Variants in CDC42BPA observed in about 807,000 individuals in gnomAD.
CDC42BPA encodes the protein serine/threonine-protein kinase MRCK alpha.
A neutral mutation model predicts 223.5 loss-of-function variants in CDC42BPA; 80 were observed. That is an observed-to-expected ratio of 0.36 (90% CI 0.30 to 0.43). The LOEUF (loss-of-function observed/expected upper bound fraction) is 0.43, where lower values mean the gene tolerates loss of function less well. CDC42BPA is among the 20% of genes least tolerant of loss of function. The pLI, the probability that CDC42BPA is intolerant of heterozygous loss-of-function variation, is 1.00. For synonymous variants in CDC42BPA, 694 were observed against 718.6 expected (o/e 0.97, Z 0.55); for missense variants, 1,743 against 2,099.9 (o/e 0.83, Z 3.32).
At chr1:227,082,166 T>C (rs12411017) in intron 16 of CDC42BPA, among the ~76,000 whole-genome samples, 23,472 of 152,058 alleles carry the variant, frequency 0.15, 2,200 homozygotes, top group African/African-American at 0.25. Flanking sequence ...TAGCTGGGAT[T>C]ACAGCTAAAA....
At position 227,315,530 on chromosome 1, in the gene CDC42BPA, T is replaced by C. The variant is rs367974270; in HGVS notation, c.178+1475A>G. Among the ~76,000 whole-genome samples, 22 of 151,382 alleles carry C rather than the reference T, an allele frequency of 1.5e-4. No individual in the cohort carries two copies. In the South Asian group the frequency reaches 4.6e-3, roughly 32 times the overall value. On this transcript the variant is annotated intron_variant, in intron 1 of 36. Transcript: ENST00000366766. The stretch of plus-strand genomic sequence containing the variant: ...TAGAGTGTCATTAAGGAACCATAAC[T>C]TAAGAACTCAAGTTCCAACTCTAAA...
At chr1:227,028,063 T>C (rs1437264675) in intron 30 of CDC42BPA, among the ~76,000 whole-genome samples, 3 of 149,910 alleles carry the variant, frequency 2.0e-5, no homozygotes, top group African/African-American at 7.4e-5. Context: ...GAGGCTGCAG[T>C]GGGCTGTGAC....
rs561988409 is a variant in CDC42BPA at position 227,217,045 on chromosome 1, C to T, written c.271-3826G>A. ...GAATGCTGTAACAGTATTTTATGTT[C>T]ATTCTTAAGTTACAGGTTGTAGAAT... On this transcript the variant is annotated intron_variant, in intron 2 of 36. Coordinates refer to ENST00000366766, the MANE Select transcript of CDC42BPA (RefSeq NM_001394014.1). Among the ~76,000 whole-genome samples, 9 of 152,242 alleles carry T rather than the reference C, an allele frequency of 5.9e-5. No individual in the cohort carries two copies. In the South Asian group the frequency reaches 6.2e-4, roughly 11 times the overall value.
At position 226,991,171 on chromosome 1, in the gene CDC42BPA, A is replaced by G. The variant is rs950408823; in HGVS notation, c.*3097T>C. On this transcript the variant is annotated 3_prime_UTR_variant, in exon 37 of 37. Transcript: ENST00000366766. ...TTGAGGGTAGATAACTTGGCTGGAC[A>G]TAGATAGCACCAAATACTAACACAG... is the stretch of plus-strand genomic sequence containing the variant. 1.3e-5 allele frequency: 2 copies of G among 152,680 alleles called. No homozygotes were observed. Among genetic ancestry groups the G allele is most frequent in the African/African-American group, 4.8e-5 (2 of 41,476 alleles). The allele number at this position is 152,680 out of a possible 1,614,324, so 9.5% of individuals were successfully genotyped here.
intron 21 of CDC42BPA, among the ~76,000 whole-genome samples, chr1:227,052,447 G>C (rs555386554): frequency 6.6e-6 from 1 of 152,206 alleles, no homozygotes; most frequent in East Asian, 1.9e-4. Context: ...TATCAGTTTT[G>C]TGCAGGACAC....
At chr1:227,100,072 C>T (rs1315105042) in intron 15 of CDC42BPA, among the ~76,000 whole-genome samples, 1 of 152,062 alleles carries the variant, frequency 6.6e-6, no homozygotes, top group Non-Finnish European at 1.5e-5. Context: ...CTGAGAATGA[C>T]AATAACATAT....
chr1:227,194,911 G>A (rs1304433254), intron 4 of CDC42BPA, among the ~76,000 whole-genome samples: 1 of 152,094 alleles, frequency 6.6e-6, no homozygotes, highest in Non-Finnish European at 1.5e-5. Flanking sequence ...TTAGCATGAA[G>A]GCTAGTGAGT....
chr1:227,133,964 A>AAAATGAATGAAT (rs1553355371), intron 10 of CDC42BPA, among the ~76,000 whole-genome samples: 30 of 38,796 alleles, frequency 7.7e-4, no homozygotes, highest in Non-Finnish European at 1.8e-3. Context: ...GATCAATAAA[A>AAAATGAATGAAT]AAATAAATGA....
At chr1:227,198,961 G>A (rs1671257237) in intron 4 of CDC42BPA, among the ~76,000 whole-genome samples, 1 of 152,036 alleles carries the variant, frequency 6.6e-6, no homozygotes, top group Non-Finnish European at 1.5e-5. Context: ...TGTTAGCTAG[G>A]ATGGTCTCAA....
intron 2 of CDC42BPA, among the ~76,000 whole-genome samples, chr1:227,239,656 T>C (rs1679684932): frequency 6.6e-6 from 1 of 152,120 alleles, no homozygotes; most frequent in Non-Finnish European, 1.5e-5. Context: ...ATCCATATAA[T>C]GATTTCAATA....
rs545589153 is a variant in CDC42BPA, at chr1:227,020,318, A to AT, written c.4615+2944dup. ...GTCAGCCTGTCCTTTGAAGCCAGACATTGACTTCTCTCTAGCTATGAAAGT... is the reference window on the plus strand; with the variant it reads ...GTCAGCCTGTCCTTTGAAGCCAGACATTTGACTTCTCTCTAGCTATGAAAGT... On this transcript the variant is annotated intron_variant, in intron 32 of 36. Coordinates refer to ENST00000366766, the MANE Select transcript of CDC42BPA (RefSeq NM_001394014.1). Among the ~76,000 whole-genome samples the AT allele has an allele frequency of 6.6e-5, 10 of 152,360 alleles. No homozygotes were observed. The South Asian group carries it at 2.1e-3, about 32-fold the overall frequency.
chr1:227,022,581 G>C (rs558184735), intron 32 of CDC42BPA, among the ~76,000 whole-genome samples: 1 of 152,134 alleles, frequency 6.6e-6, no homozygotes, highest in African/African-American at 2.4e-5. Flanking sequence ...ATATAGAAGA[G>C]GGCACTATAA....
intron 1 of CDC42BPA, among the ~76,000 whole-genome samples, chr1:227,276,650 G>A (rs4437846): frequency 0.15 from 22,815 of 152,228 alleles, 2,077 homozygotes; most frequent in African/African-American, 0.24. Flanking sequence ...GAAATGTGGG[G>A]AAAGGAAAGA....
At chr1:227,143,742 G>A (rs753638722) in intron 8 of CDC42BPA, among the ~76,000 whole-genome samples, 92 of 152,212 alleles carry the variant, frequency 6.0e-4, no homozygotes, top group Non-Finnish European at 2.1e-4. Flanking sequence ...TGTCTTTAAA[G>A]AGAAGCACAC....
chr1:227,023,425 G>A, intron 31 of CDC42BPA, 78 bp from the exon 32 acceptor site: 1 of 689,714 alleles, frequency 1.4e-6, no homozygotes, highest in Non-Finnish European at 2.4e-6. Context: ...TGCTTATAAA[G>A]CACACCTTAT....
chr1:227,006,653 C>T (rs1028071590), intron 34 of CDC42BPA, among the ~76,000 whole-genome samples: 1 of 152,126 alleles, frequency 6.6e-6, no homozygotes, highest in Non-Finnish European at 1.5e-5. Context: ...AACAGCCATT[C>T]TGGCCAGGCA....
chr1:227,096,232 A>G (rs2149274021), intron 15 of CDC42BPA, among the ~76,000 whole-genome samples: 1 of 152,320 alleles, frequency 6.6e-6, no homozygotes, highest in South Asian at 2.1e-4. Flanking sequence ...AGCTTTCCTA[A>G]CACAGAAGCA....
chr1:226,997,480 G>C (rs2148258963), intron 35 of CDC42BPA, among the ~76,000 whole-genome samples: 2 of 152,100 alleles, frequency 1.3e-5, no homozygotes, highest in Non-Finnish European at 2.9e-5. Flanking sequence ...GTTATTTCTT[G>C]TCTTATGCTA....
intron 12 of CDC42BPA, among the ~76,000 whole-genome samples, chr1:227,116,648 T>C (rs913120486): frequency 2.0e-5 from 3 of 152,210 alleles, no homozygotes; most frequent in Non-Finnish European, 4.4e-5. Flanking sequence ...TATGGAGAGA[T>C]ATCATGTTTA....
Sources: gnomAD v4.1 joint callset for allele counts (sites outside exome capture counted in the v4.1 genomes callset) on GRCh38, gnomAD v4.1.1 for gene constraint, MANE v1.5 for transcripts, NCBI Gene and HGNC (gene_info 2026-07-23, HGNC 2026-07-21) for gene names.